ALPL: variants seen among roughly 807,000 people sequenced by gnomAD.
ALPL encodes alkaline phosphatase, biomineralization associated.
ALPL carries 42 observed loss-of-function variants against 51.3 expected under a neutral mutation model. The observed-to-expected ratio is 0.82, with a 90% CI of 0.64 to 1.06. The LOEUF (loss-of-function observed/expected upper bound fraction) is 1.06. Among genes scored for constraint, ALPL ranks in the 50% least tolerant of loss-of-function variants. The probability of loss-of-function intolerance (pLI) is 0.00; values close to 1 mark genes in which losing one functional copy is unlikely to be tolerated. For synonymous variants in ALPL, 279 were observed against 296.4 expected (o/e 0.94, Z 0.60); for missense variants, 589 against 709.4 (o/e 0.83, Z 1.93).
At chr1:21,571,874 C>A (rs1310634535) in intron 8 of ALPL, among the ~76,000 whole-genome samples, 1 of 151,600 alleles carries the variant, frequency 6.6e-6, no homozygotes, top group Non-Finnish European at 1.5e-5. Flanking sequence ...CACCTTTAGT[C>A]CCAGCTACTC....
chr1:21,577,469 C>G lies in ALPL; in HGVS notation c.1396C>G (p.Pro466Ala), dbSNP rs1644754641. Reference protein sequence around the residue: ...GEDVAVFSKGPMAHLLHGVHE... With the variant: ...GEDVAVFSKGAMAHLLHGVHE... ...GGACGTGGCCGTCTTCTCCAAGGGC[C>G]CCATGGCGCACCTGCTGCACGGCGT... The change falls in exon 12 of 12, where the codon CCC (proline) becomes GCC (alanine). Residue 466 changes from proline (P) to alanine (A), a missense_variant. Transcript: ENST00000374840. 7 of 1,610,846 alleles carry G rather than the reference C, an allele frequency of 4.3e-6. No individual in the cohort carries two copies. Among genetic ancestry groups the G allele is most frequent in the Non-Finnish European group, 5.9e-6 (7 of 1,179,936 alleles).
intron 1 of ALPL, 125 bp from the exon 2 acceptor site, chr1:21,553,853 T>A (rs930222963): frequency 2.6e-5 from 15 of 569,782 alleles, no homozygotes; most frequent in Non-Finnish European, 4.5e-5. Context: ...TTGAGCCCCA[T>A]GCCTGGTCTG....
intron 9 of ALPL, among the ~76,000 whole-genome samples, chr1:21,575,160 T>A (rs1644709813): frequency 6.6e-6 from 1 of 152,202 alleles, no homozygotes; most frequent in African/African-American, 2.4e-5. Context: ...GCTTTCTTTT[T>A]AGAGGGGATG....
chr1:21,521,051 T>C (rs1643878282), intron 1 of ALPL, among the ~76,000 whole-genome samples: 1 of 152,236 alleles, frequency 6.6e-6, no homozygotes, highest in African/African-American at 2.4e-5. Flanking sequence ...TTGCTTTGGA[T>C]ATCTTGAACC....
At position 21,564,118 on chromosome 1, in the gene ALPL, CG is replaced by C; in HGVS notation, c.553del (p.Asp185ThrfsTer13). 1 of 1,614,048 alleles carries C rather than the reference CG, an allele frequency of 6.2e-7. No homozygotes were observed. Among genetic ancestry groups the C allele is most frequent in the Non-Finnish European group, 8.5e-7 (1 of 1,180,016 alleles). ...CGCCGCCTACGCCCACTCGGCTGACCGGGACTGGTACTCAGACAACGAGATG... is the reference window on the plus strand; with the variant it reads ...CGCCGCCTACGCCCACTCGGCTGACCGGACTGGTACTCAGACAACGAGATG... Reference protein sequence around the residue: ...PSAAYAHSADRDWYSDNEMPP... With the variant: ...PSAAYAHSADXDWYSDNEMPP... On this transcript the variant is annotated frameshift_variant, in exon 6 of 12. Coordinates refer to ENST00000374840, the MANE Select transcript of ALPL (RefSeq NM_000478.6). LOFTEE classifies it high-confidence loss of function. The surrounding 1 kb of genome is among the most constrained non-coding windows in gnomAD (Gnocchi z 5.8).
Position 21,575,927 on chromosome 1 carries a change from AG to A in ALPL, c.1189+5del, listed in dbSNP as rs1208855163. On this transcript the variant is annotated splice_donor_region_variant and intron_variant, in intron 10 of 11. Transcript: ENST00000374840. ...CCCCCGTGGCAACTCTATCTTTGGTAGGTGGGCCTTCTTTGGGGTGGACACT... is the reference window on the plus strand; with the variant it reads ...CCCCCGTGGCAACTCTATCTTTGGTAGTGGGCCTTCTTTGGGGTGGACACT... 3 of 1,614,194 alleles carry A rather than the reference AG, an allele frequency of 1.9e-6. No individual in the cohort carries two copies. Among genetic ancestry groups the A allele is most frequent in the Non-Finnish European group, 2.5e-6 (3 of 1,180,030 alleles).
At chr1:21,559,251 G>C (rs949725669) in intron 2 of ALPL, among the ~76,000 whole-genome samples, 1 of 152,194 alleles carries the variant, frequency 6.6e-6, no homozygotes, top group Non-Finnish European at 1.5e-5. Flanking sequence ...GAGCAGATCT[G>C]ATAGGGCCCT....
At position 21,542,144 on chromosome 1, in the gene ALPL, T is replaced by C. The variant is rs544488794; in HGVS notation, c.-104-11834T>C. On this transcript the variant is annotated intron_variant, in intron 1 of 11. Coordinates refer to ENST00000374840, the MANE Select transcript of ALPL (RefSeq NM_000478.6). ...TGCTGGGCTTGGCGGAGAGAGGAAT[T>C]CCATGTCCCTTCCCTATGACTCTGC... Among the ~76,000 whole-genome samples the C allele has an allele frequency of 3.9e-5, 6 of 152,282 alleles. No homozygotes were observed. The South Asian group carries it at 8.3e-4, about 21-fold the overall frequency.
At chr1:21,540,018 A>G (rs1435889270) in intron 1 of ALPL, among the ~76,000 whole-genome samples, 2 of 152,066 alleles carry the variant, frequency 1.3e-5, no homozygotes, top group African/African-American at 2.4e-5. Context: ...TCCTAGTACC[A>G]GGGAGGCTCC....
chr1:21,535,106 G>T (rs556725596), intron 1 of ALPL, among the ~76,000 whole-genome samples: 1 of 152,220 alleles, frequency 6.6e-6, no homozygotes, highest in Non-Finnish European at 1.5e-5. Flanking sequence ...GTGTTCCAGC[G>T]AATGTTGGTT....
At chr1:21,541,004 G>C (rs958388202) in intron 1 of ALPL, among the ~76,000 whole-genome samples, 3 of 152,204 alleles carry the variant, frequency 2.0e-5, no homozygotes, top group Admixed American at 6.5e-5. Flanking sequence ...CCTTTGAAGG[G>C]AAAGTACTCA....
intron 2 of ALPL, among the ~76,000 whole-genome samples, chr1:21,555,403 C>T (rs768563362): frequency 3.9e-5 from 6 of 152,154 alleles, no homozygotes; most frequent in Admixed American, 6.6e-5. Context: ...TTAGCTTGGG[C>T]TCAGACGCCT....
At chr1:21,565,751 C>G (rs1187267063) in intron 6 of ALPL, among the ~76,000 whole-genome samples, 6 of 151,786 alleles carry the variant, frequency 4.0e-5, no homozygotes, top group Admixed American at 2.6e-4. Flanking sequence ...TCACCACCCC[C>G]CCAAAAGCCT....
intron 1 of ALPL, among the ~76,000 whole-genome samples, chr1:21,551,778 T>C (rs1056204653): frequency 1.6e-4 from 21 of 129,936 alleles, no homozygotes; most frequent in Non-Finnish European, 3.1e-4. Context: ...CAGGCTGGAG[T>C]GCAGTGGCGC....
At chr1:21,543,583 A>G (rs1333198425) in intron 1 of ALPL, among the ~76,000 whole-genome samples, 3 of 152,138 alleles carry the variant, frequency 2.0e-5, no homozygotes. Flanking sequence ...GTGAAACTCC[A>G]TCTGAAAAAA....
chr1:21,540,613 T>G (rs915477647), intron 1 of ALPL, among the ~76,000 whole-genome samples: 2 of 152,278 alleles, frequency 1.3e-5, no homozygotes, highest in Non-Finnish European at 2.9e-5. Context: ...CCCTTTGTGG[T>G]GGGTCCAGGC....
At position 21,533,336 on chromosome 1, in the gene ALPL, C is replaced by T. The variant is rs138463212; in HGVS notation, c.-104-20642C>T. ...AATGCAGCTGTCATTCTGCTGGTGACAGTTGTTTCACCACTATACAGACAT... is the reference window on the plus strand; with the variant it reads ...AATGCAGCTGTCATTCTGCTGGTGATAGTTGTTTCACCACTATACAGACAT... On this transcript the variant is annotated intron_variant, in intron 1 of 11. Transcript: ENST00000374840. 4.6e-5 allele frequency among the ~76,000 whole-genome samples: 7 copies of T among 152,304 alleles called. No homozygotes were observed. The East Asian group carries it at 1.3e-3, about 29-fold the overall frequency.
At position 21,563,299 on chromosome 1, in the gene ALPL, C is replaced by G. The variant is rs755813603; in HGVS notation, c.472+15C>G. 6 of 1,602,668 alleles carry G rather than the reference C, an allele frequency of 3.7e-6. No homozygotes were observed. The Admixed American group carries it at 6.7e-5, about 18-fold the overall frequency. ...CAAGGACGCTGGTGAGTCGGGGGAG[C>G]AGTGGGGAGCAGGGCCAGCTTCGTG... On this transcript the variant is annotated intron_variant, in intron 5 of 11. Coordinates refer to ENST00000374840, the MANE Select transcript of ALPL (RefSeq NM_000478.6).
chr1:21,533,867 G>A (rs1644061617), intron 1 of ALPL, among the ~76,000 whole-genome samples: 1 of 151,510 alleles, frequency 6.6e-6, no homozygotes, highest in African/African-American at 2.4e-5. Context: ...AGTTTGCAGT[G>A]AGCCGAGATC....
Sources: gnomAD v4.1 joint callset for allele counts (sites outside exome capture counted in the v4.1 genomes callset) on GRCh38, gnomAD v4.1.1 for gene constraint, Gnocchi (gnomAD v3.1) non-coding constraint, MANE v1.5 for transcripts, NCBI Gene and HGNC (gene_info 2026-07-23, HGNC 2026-07-21) for gene names.